Variants in CTTNBP2 observed in about 807,000 individuals in gnomAD.
CTTNBP2 encodes cortactin binding protein 2.
A neutral mutation model predicts 156.9 loss-of-function variants in CTTNBP2; 108 were observed. The ratio of observed to expected loss-of-function variants is 0.69; its 90% CI spans 0.59 to 0.81. The LOEUF is 0.81. CTTNBP2 is among the 30% of genes least tolerant of loss of function. CTTNBP2 has a pLI of 0.00. For missense variants in CTTNBP2, 1,924 were observed against 2,035.4 expected (o/e 0.95, Z 1.05); for synonymous variants, 767 against 751.8 (o/e 1.02, Z -0.33).
At chr7:117,750,785 G>A (rs188922372) in intron 12 of CTTNBP2, among the ~76,000 whole-genome samples, 97 of 152,250 alleles carry the variant, frequency 6.4e-4, no homozygotes, top group Non-Finnish European at 1.5e-4. Flanking sequence ...TATACTCCAC[G>A]CTTCCAGCAG....
intron 8 of CTTNBP2, among the ~76,000 whole-genome samples, chr7:117,774,372 C>A (rs1194282438): frequency 6.6e-6 from 1 of 152,082 alleles, no homozygotes; most frequent in Non-Finnish European, 1.5e-5. Flanking sequence ...TGAACTATGT[C>A]AGGGGTCCCT....
At position 117,873,429 on chromosome 7, in the gene CTTNBP2, C is replaced by A; in HGVS notation, c.-14G>T. ...GTCCGTCGCCATCTTCCTGCTCTAG[C>A]GGATCCGAATGCGAGCTCGGAGCCG... is the stretch of plus-strand genomic sequence containing the variant. On this transcript the variant is annotated 5_prime_UTR_variant, in exon 1 of 23. Coordinates refer to ENST00000160373, the MANE Select transcript of CTTNBP2 (RefSeq NM_033427.3). The A allele has an allele frequency of 1.4e-6, 2 of 1,477,324 alleles. No individual in the cohort carries two copies. Among genetic ancestry groups the A allele is most frequent in the South Asian group, 1.3e-5 (1 of 75,356 alleles). The allele number at this position is 1,477,324 out of a possible 1,614,324, so 91.5% of individuals were successfully genotyped here.
Position 117,780,602 on chromosome 7 carries a change from G to A in CTTNBP2, c.2373-11C>T. The A allele has an allele frequency of 6.5e-7, 1 of 1,536,718 alleles. No homozygotes were observed. The highest frequency in any genetic ancestry group is 8.8e-7 in the Non-Finnish European group (1 of 1,142,270). On this transcript the variant is annotated splice_polypyrimidine_tract_variant and intron_variant, in intron 6 of 22. Transcript: ENST00000160373. ...AATAATTCTACACACCTAAACACAA[G>A]ATTAGGATTAATTACATAAAACCTG...
intron 2 of CTTNBP2, among the ~76,000 whole-genome samples, chr7:117,858,014 T>C (rs1489687187): frequency 2.6e-5 from 4 of 152,146 alleles, no homozygotes; most frequent in Non-Finnish European, 5.9e-5. Flanking sequence ...TTACCTACTG[T>C]AAAAAACACA....
chr7:117,744,666 G>A (rs1796221955), intron 14 of CTTNBP2, among the ~76,000 whole-genome samples: 1 of 152,106 alleles, frequency 6.6e-6, no homozygotes, highest in Non-Finnish European at 1.5e-5. Context: ...CAGGCAGATT[G>A]TTTGAGCTCA....
chr7:117,860,552 C>T (rs140194963), intron 2 of CTTNBP2, among the ~76,000 whole-genome samples: 4,760 of 152,108 alleles, frequency 0.031, 255 homozygotes, highest in African/African-American at 0.11. Flanking sequence ...ACCGTGTTAG[C>T]CAGGATGGTC....
chr7:117,763,423 T>C (rs1798789144), intron 9 of CTTNBP2, among the ~76,000 whole-genome samples: 1 of 152,194 alleles, frequency 6.6e-6, no homozygotes, highest in African/African-American at 2.4e-5. Context: ...GTAACTTCTA[T>C]TTGCCAAATG....
At chr7:117,807,544 C>T (rs1439915640) in intron 3 of CTTNBP2, among the ~76,000 whole-genome samples, 2 of 152,200 alleles carry the variant, frequency 1.3e-5, no homozygotes, top group East Asian at 1.9e-4. Flanking sequence ...GAATTCTCTA[C>T]TTTATGATTC....
intron 3 of CTTNBP2, among the ~76,000 whole-genome samples, chr7:117,803,839 T>C (rs1799769068): frequency 6.6e-6 from 1 of 152,182 alleles, no homozygotes; most frequent in African/African-American, 2.4e-5. Flanking sequence ...AGGAACTATA[T>C]TTTGTCCTTA....
chr7:117,834,120 T>C (rs1012051313), intron 2 of CTTNBP2, among the ~76,000 whole-genome samples: 6 of 151,598 alleles, frequency 4.0e-5, no homozygotes, highest in African/African-American at 1.5e-4. Flanking sequence ...AGTGGCACAA[T>C]CTTGGCTCAC....
At chr7:117,857,805 A>C (rs924453524) in intron 2 of CTTNBP2, among the ~76,000 whole-genome samples, 1 of 152,216 alleles carries the variant, frequency 6.6e-6, no homozygotes, top group Non-Finnish European at 1.5e-5. Context: ...ATGTAAAACA[A>C]AATTAAAATG....
intron 7 of CTTNBP2, among the ~76,000 whole-genome samples, chr7:117,779,656 G>C (rs1798295797): frequency 6.6e-6 from 1 of 151,020 alleles, no homozygotes; most frequent in Non-Finnish European, 1.5e-5. Flanking sequence ...CAAAAAATAG[G>C]AAGTTTTTTT....
chr7:117,798,735 A>T (rs908534144), intron 3 of CTTNBP2, among the ~76,000 whole-genome samples: 3 of 152,110 alleles, frequency 2.0e-5, no homozygotes, highest in Admixed American at 6.5e-5. Context: ...AAAGAAATTG[A>T]TGAAACAGAA....
chr7:117,780,175 C>A (rs186496477), intron 7 of CTTNBP2, among the ~76,000 whole-genome samples: 3 of 152,130 alleles, frequency 2.0e-5, no homozygotes, highest in Admixed American at 6.5e-5. Context: ...TGCCCTAGTT[C>A]TAAAAATAAT....
intron 19 of CTTNBP2, among the ~76,000 whole-genome samples, chr7:117,722,429 AT>A (rs1794849876): frequency 6.6e-6 from 1 of 152,150 alleles, no homozygotes; most frequent in African/African-American, 2.4e-5. Context: ...ACTTTTAGAA[AT>A]TTCCTTGAAG....
rs1219638795 is a variant in CTTNBP2 at position 117,791,829 on chromosome 7, G to A, written c.1367C>T (p.Ala456Val). The A allele has an allele frequency of 6.2e-7, 1 of 1,614,196 alleles. No homozygotes were observed. The highest frequency in any genetic ancestry group is 1.1e-5 in the South Asian group (1 of 91,080). Residue 456 changes from alanine to valine, a missense_variant, in exon 4 of 23, where the codon GCT becomes GTT. Ala to Val is a moderately conservative substitution (Grantham distance 64, BLOSUM62 0). Coordinates refer to ENST00000160373, the MANE Select transcript of CTTNBP2 (RefSeq NM_033427.3). ...ATTTCCATTTTGGTCTGGGTCGTTA[G>A]CATTGCCCTGAAATCTAAATCTAGC... is the stretch of plus-strand genomic sequence containing the variant. ...QAARFRFQGN[A>V]NDPDQNGNTT... is the part of the protein sequence containing the mutation.
intron 14 of CTTNBP2, among the ~76,000 whole-genome samples, chr7:117,744,893 C>G (rs1796238161): frequency 6.6e-6 from 1 of 152,180 alleles, no homozygotes; most frequent in South Asian, 2.1e-4. Flanking sequence ...TACATTTGCC[C>G]TGGCCACAAG....
chr7:117,791,870 G>T lies in CTTNBP2; in HGVS notation c.1326C>A (p.Asn442Lys). 1.2e-6 allele frequency: 2 copies of T among 1,614,168 alleles called. No individual in the cohort carries two copies. The highest frequency in any genetic ancestry group is 1.7e-6 in the Non-Finnish European group (2 of 1,180,036). ...CANTSLHPGLNPRIQAARFRF... is the reference protein window; with the variant it reads ...CANTSLHPGLKPRIQAARFRF... ...TAAATCTAGCTGCTTGGATTCGTGG[G>T]TTTAGACCTGGATGCAAAGAGGTGT... Residue 442 changes from asparagine to lysine, a missense_variant, in exon 4 of 23, where the codon AAC (asparagine) becomes AAA (lysine). Asn to Lys is a moderately conservative substitution (Grantham distance 94, BLOSUM62 0). Transcript: ENST00000160373.
At chr7:117,864,977 T>TTCA (rs1804067566) in intron 1 of CTTNBP2, among the ~76,000 whole-genome samples, 1 of 147,504 alleles carries the variant, frequency 6.8e-6, no homozygotes, top group African/African-American at 2.5e-5. Flanking sequence ...TATATATTCA[T>TTCA]ATATATTCAT....
Sources: allele counts gnomAD v4.1 joint callset (sites outside exome capture counted in the v4.1 genomes callset), GRCh38; gene constraint gnomAD v4.1.1; transcripts MANE v1.5; gene names NCBI Gene and HGNC (gene_info 2026-07-23, HGNC 2026-07-21).